The following IGFL2 variants were observed in gnomAD, a reference collection of about 807,000 sequenced individuals.
IGFL2 encodes the protein IGF like family member 2, also known as insulin growth factor-like family member 2.
In IGFL2, 7 loss-of-function variants were observed where a neutral mutation model predicts 13.9. That is an observed-to-expected ratio of 0.51 (90% CI 0.29 to 0.95). The LOEUF (loss-of-function observed/expected upper bound fraction) is 0.95. Ranked by LOEUF, IGFL2 falls within the 40% of genes least tolerant of loss-of-function variation. IGFL2 has a pLI of 0.08. For synonymous variants in IGFL2, 55 were observed against 55.8 expected (o/e 0.99, Z 0.07); for missense variants, 138 against 147.8 (o/e 0.93, Z 0.34).
chr19:46,184,368 C>T, the IGFL2 span, among the ~76,000 whole-genome samples: 1 of 152,018 alleles, frequency 6.6e-6, no homozygotes, highest in Non-Finnish European at 1.5e-5. Flanking sequence ...TTCCTGCACC[C>T]ATCAACCCGT....
chr19:46,087,436 A>G, the IGFL2 span, among the ~76,000 whole-genome samples: 1 of 152,214 alleles, frequency 6.6e-6, no homozygotes, highest in African/African-American at 2.4e-5. Context: ...ATGGGTGCTC[A>G]GGTACTGGGG....
the IGFL2 span, chr19:46,174,122 T>A: frequency 6.6e-6 from 1 of 152,116 alleles, no homozygotes; most frequent in Non-Finnish European, 1.5e-5. Flanking sequence ...GAGAAAGGAC[T>A]TAGCACTGGC....
chr19:46,208,653 TCC>T, the IGFL2 span: 2 of 152,268 alleles, frequency 1.3e-5, no homozygotes, highest in East Asian at 3.9e-4. Flanking sequence ...GGCAGTTTTT[TCC>T]ATGCTGTTCT....
the IGFL2 span, among the ~76,000 whole-genome samples, chr19:46,179,984 G>A: frequency 6.6e-6 from 1 of 151,952 alleles, no homozygotes; most frequent in Non-Finnish European, 1.5e-5. Flanking sequence ...ATTCCCCCAG[G>A]GTTTTCCCTC....
In IGFL2 at chr19:46,160,699, C is replaced by T. The variant is rs530259038; in HGVS notation, c.159C>T (p.Tyr53=). The T allele has an allele frequency of 3.7e-6, 6 of 1,614,222 alleles. No homozygotes were observed. In the Admixed American group the frequency reaches 5.0e-5, roughly 13 times the overall value. The change falls in exon 3 of 4, where the codon TAC becomes TAT. Residue 53 remains tyrosine, a synonymous_variant. Coordinates refer to ENST00000377693, the MANE Select transcript of IGFL2 (RefSeq NM_001135113.2). ...KIYNPLEQCC[Y]NDAIVSLSET... ...ACAACCCCTTGGAGCAGTGCTGTTA[C>T]AATGACGCCATCGTGTCCCTGAGCG...
At chr19:46,093,121 G>A in the IGFL2 span, among the ~76,000 whole-genome samples, 15,456 of 152,008 alleles carry the variant, frequency 0.1, 1,067 homozygotes, top group African/African-American at 0.19. Context: ...CTCTTTATTG[G>A]TGATTTATTT....
intron 1 of IGFL2, among the ~76,000 whole-genome samples, chr19:46,153,839 A>ATAT (rs1198396702): frequency 2.2e-5 from 3 of 139,356 alleles, no homozygotes; most frequent in South Asian, 2.3e-4. Flanking sequence ...ATATATATAT[A>ATAT]TTTTTTTTAC....
intron 1 of IGFL2, among the ~76,000 whole-genome samples, chr19:46,150,820 C>A (rs1329933140): frequency 1.3e-5 from 2 of 152,108 alleles, no homozygotes; most frequent in Admixed American, 1.3e-4. Context: ...CAGGCACGCA[C>A]CACCACACCA....
the IGFL2 span, among the ~76,000 whole-genome samples, chr19:46,082,476 C>CA: frequency 6.6e-6 from 1 of 152,132 alleles, no homozygotes; most frequent in Non-Finnish European, 1.5e-5. Context: ...GCTTGTGTGC[C>CA]ACTGAAGAGA....
At chr19:46,179,226 G>A in the IGFL2 span, among the ~76,000 whole-genome samples, 2 of 150,540 alleles carry the variant, frequency 1.3e-5, no homozygotes, top group African/African-American at 2.4e-5. Context: ...CTGGTCATGG[G>A]GTGGGGAGTC....
chr19:46,182,567 G>A, the IGFL2 span, among the ~76,000 whole-genome samples: 89 of 152,130 alleles, frequency 5.9e-4, no homozygotes, highest in African/African-American at 2.1e-3. Flanking sequence ...TTTTTTGTTA[G>A]CTGAGTTGAT....
the IGFL2 span, chr19:46,196,015 G>A: frequency 4.6e-5 from 7 of 152,350 alleles, no homozygotes; most frequent in African/African-American, 1.7e-4. Flanking sequence ...AGGGACCGAG[G>A]GTGGAGGGAG....
At position 46,161,148 on chromosome 19, in the gene IGFL2, A is replaced by G. The variant is rs1974147607; in HGVS notation, c.*60A>G. 3.9e-6 allele frequency: 5 copies of G among 1,292,490 alleles called. No homozygotes were observed. Among genetic ancestry groups the G allele is most frequent in the Non-Finnish European group, 3.3e-6 (3 of 908,300 alleles). The allele number at this position is 1,292,490 out of a possible 1,614,324, so 80.1% of individuals were successfully genotyped here. On this transcript the variant is annotated 3_prime_UTR_variant, in exon 4 of 4. Transcript: ENST00000377693. The stretch of plus-strand genomic sequence containing the variant: ...CATCTCAGAAACATAGGCTAAGGTA[A>G]TATGTGTACCAGTAGAGAAGCCTGA...
At chr19:46,168,916 A>ATGTGTG in the IGFL2 span, among the ~76,000 whole-genome samples, 458 of 145,700 alleles carry the variant, frequency 3.1e-3, 4 homozygotes, top group Middle Eastern at 7.1e-3. Flanking sequence ...GTGTGTGTGT[A>ATGTGTG]TGTGTGTGTG....
At chr19:46,083,069 A>G in the IGFL2 span, among the ~76,000 whole-genome samples, 4 of 152,236 alleles carry the variant, frequency 2.6e-5, no homozygotes, top group African/African-American at 9.6e-5. Context: ...GACGCACGGT[A>G]GCTCATAATT....
At chr19:46,125,647 C>T in the IGFL2 span, among the ~76,000 whole-genome samples, 1 of 152,194 alleles carries the variant, frequency 6.6e-6, no homozygotes, top group African/African-American at 2.4e-5. Context: ...TGTACCATAG[C>T]CTTTGAAATG....
At chr19:46,089,546 G>A in the IGFL2 span, among the ~76,000 whole-genome samples, 2 of 151,292 alleles carry the variant, frequency 1.3e-5, no homozygotes, top group Non-Finnish European at 2.9e-5. Flanking sequence ...TTGTAAGATG[G>A]CTCTGGTGGA....
At chr19:46,201,103 GAGA>G in the IGFL2 span, among the ~76,000 whole-genome samples, 1 of 152,212 alleles carries the variant, frequency 6.6e-6, no homozygotes, top group Non-Finnish European at 1.5e-5. Context: ...GAGAGCAATG[GAGA>G]AGGAGAACAC....
At chr19:46,123,776 C>A in the IGFL2 span, 1 of 1,253,280 alleles carries the variant, frequency 8.0e-7, no homozygotes, top group Non-Finnish European at 1.1e-6. Context: ...CTGCCACCAG[C>A]CTGACTCTTT....
Sources: gnomAD v4.1 joint callset for allele counts (sites outside exome capture counted in the v4.1 genomes callset) on GRCh38, gnomAD v4.1.1 for gene constraint, MANE v1.5 for transcripts, NCBI Gene and HGNC (gene_info 2026-07-23, HGNC 2026-07-21) for gene names.